Variants in CADM2 observed in about 807,000 individuals in gnomAD.
CADM2 encodes cell adhesion molecule 2, also known as immunoglobulin superfamily member 4D.
CADM2 carries 12 observed loss-of-function variants against 49.8 expected under a neutral mutation model. The observed-to-expected ratio is 0.24, with a 90% CI of 0.15 to 0.39. The LOEUF is 0.39. Ranked by LOEUF, CADM2 falls within the 10% of genes least tolerant of loss-of-function variation. CADM2 has a pLI of 1.00. For missense variants in CADM2, 378 were observed against 492.3 expected, an observed-to-expected ratio of 0.77 and a Z score of 2.20; for synonymous variants, 214 against 175.4, an observed-to-expected ratio of 1.22 and a Z score of -1.74.
At chr3:85,218,375 G>A (rs2041976948) in intron 1 of CADM2, among the ~76,000 whole-genome samples, 1 of 152,166 alleles carries the variant, frequency 6.6e-6, no homozygotes. Flanking sequence ...CAACATTTCT[G>A]ATGCAGCTGG....
intron 2 of CADM2, among the ~76,000 whole-genome samples, chr3:85,732,134 G>A (rs1224204116): frequency 3.4e-5 from 5 of 147,220 alleles, no homozygotes; most frequent in Non-Finnish European, 6.0e-5. Context: ...CGTGGCACAC[G>A]CCTGTAATCC....
intron 1 of CADM2, among the ~76,000 whole-genome samples, chr3:85,137,978 T>C (rs945685134): frequency 1.3e-5 from 2 of 152,282 alleles, no homozygotes; most frequent in South Asian, 4.2e-4. Flanking sequence ...TTCATATAAA[T>C]GTACATTCAT....
intron 1 of CADM2, among the ~76,000 whole-genome samples, chr3:85,400,313 T>C (rs2035032676): frequency 6.6e-6 from 1 of 152,200 alleles, no homozygotes; most frequent in African/African-American, 2.4e-5. Flanking sequence ...TTGATCATGG[T>C]GGATAAGCTC....
At chr3:85,563,018 C>T (rs1256528745) in intron 1 of CADM2, among the ~76,000 whole-genome samples, 1 of 152,066 alleles carries the variant, frequency 6.6e-6, no homozygotes, top group African/African-American at 2.4e-5. Context: ...TGTCTATCTT[C>T]TTGGTCAGTT....
rs2044336805 is a variant in CADM2 at position 85,311,345 on chromosome 3, TTTTA to T, written c.61+351691_61+351694del. Among the ~76,000 whole-genome samples the T allele has an allele frequency of 2.7e-5, 4 of 149,878 alleles. No individual in the cohort carries two copies. In the South Asian group the frequency reaches 6.2e-4, roughly 23 times the overall value. The stretch of plus-strand genomic sequence containing the variant: ...TTGGATGCATTGGTCTTAGCATCAT[TTTTA>T]TTTATTTATTTATATTTATTATTAT... On this transcript the variant is annotated intron_variant, in intron 1 of 9. Coordinates refer to ENST00000383699, the MANE Select transcript of CADM2 (RefSeq NM_001167675.2).
Position 85,561,913 on chromosome 3 carries a change from A to G in CADM2, c.62-164609A>G, listed in dbSNP as rs184900137. On this transcript the variant is annotated intron_variant, in intron 1 of 9. Transcript: ENST00000383699. ...AGAAGTGGCACTTTTCGATAATTAA[A>G]AACAGAAAATAAGCAAGAAAGAATA... 1.1e-4 allele frequency among the ~76,000 whole-genome samples: 16 copies of G among 152,284 alleles called. 1 individual carries two copies. In the East Asian group the frequency reaches 3.1e-3, roughly 29 times the overall value.
At chr3:85,530,350 AGAC>A (rs2061274736) in intron 1 of CADM2, among the ~76,000 whole-genome samples, 1 of 59,582 alleles carries the variant, frequency 1.7e-5, no homozygotes, top group Non-Finnish European at 2.5e-5. Flanking sequence ...TTTTTTTTTG[AGAC>A]GGAGTCTCAC....
rs553504282 is a variant in CADM2, at chr3:85,914,067, CTATAA to C, written c.700+1528_700+1532del. 9.9e-5 allele frequency among the ~76,000 whole-genome samples: 15 copies of C among 152,158 alleles called. No homozygotes were observed. In the South Asian group the frequency reaches 3.1e-3, roughly 32 times the overall value. On this transcript the variant is annotated intron_variant, in intron 6 of 9. Transcript: ENST00000383699. ...TTTTATATGGAAAATATAAAGCTGA[CTATAA>C]TATGCTTATTTTTAAATTATTCTTA...
rs562362581 is a variant in CADM2, at chr3:85,139,998, T to G, written c.61+180330T>G. On this transcript the variant is annotated intron_variant, in intron 1 of 9. Transcript: ENST00000383699. ...GTACAGAACAGATAACACGTTCAGT[T>G]TCAGGCTGGAGTTAAAGACCAGTGG... Among the ~76,000 whole-genome samples the G allele has an allele frequency of 3.3e-4, 50 of 152,162 alleles. 1 individual carries two copies. Among genetic ancestry groups the G allele is most frequent in the South Asian group, 8.3e-4 (4 of 4,826 alleles).
intron 1 of CADM2, among the ~76,000 whole-genome samples, chr3:85,437,585 A>C (rs2107535034): frequency 6.6e-6 from 1 of 152,036 alleles, no homozygotes; most frequent in South Asian, 2.1e-4. Context: ...TTTTAATTTA[A>C]ATTTCCCTGA....
intron 2 of CADM2, among the ~76,000 whole-genome samples, chr3:85,766,421 A>G (rs769367420): frequency 9.2e-5 from 14 of 152,178 alleles, no homozygotes; most frequent in Non-Finnish European, 1.9e-4. Context: ...AACTGTTCAG[A>G]TGGATAAAGA....
chr3:85,836,267 A>G (rs997535498), intron 3 of CADM2, among the ~76,000 whole-genome samples: 70 of 151,714 alleles, frequency 4.6e-4, no homozygotes, highest in African/African-American at 1.7e-3. Flanking sequence ...GTTCTGGAAA[A>G]AAGCCCAGAG....
intron 1 of CADM2, among the ~76,000 whole-genome samples, chr3:85,673,724 C>G (rs928636400): frequency 1.3e-5 from 2 of 152,014 alleles, no homozygotes; most frequent in Admixed American, 6.6e-5. Flanking sequence ...CTTCCTTCTC[C>G]AGGCTCGTTT....
chr3:85,736,636 G>GT lies in CADM2; in HGVS notation c.88+10096dup, dbSNP rs888093429. Reference sequence around the variant, plus strand: ...TACAGGGTTTTCTTTTTTCTGTTGGGTTTTTTTTCAATTATTATTATTTCC... The same window carrying GT: ...TACAGGGTTTTCTTTTTTCTGTTGGGTTTTTTTTTCAATTATTATTATTTCC... On this transcript the variant is annotated intron_variant, in intron 2 of 9. Transcript: ENST00000383699. 5.3e-5 allele frequency among the ~76,000 whole-genome samples: 8 copies of GT among 151,792 alleles called. No individual in the cohort carries two copies. The East Asian group carries it at 9.7e-4, about 18-fold the overall frequency.
Position 85,499,394 on chromosome 3 carries a change from A to T in CADM2, c.62-227128A>T, listed in dbSNP as rs146908021. On this transcript the variant is annotated intron_variant, in intron 1 of 9. Coordinates refer to ENST00000383699, the MANE Select transcript of CADM2 (RefSeq NM_001167675.2). ...AGCTGCTCTAAAGTTCCCTTGGTAG[A>T]TCTACTATTTTGACACTCAAATTGT... Among the ~76,000 whole-genome samples the T allele has an allele frequency of 3.0e-4, 46 of 152,178 alleles. No homozygotes were observed. The East Asian group carries it at 8.3e-3, about 28-fold the overall frequency.
At chr3:85,959,509 A>G in intron 7 of CADM2, among the ~76,000 whole-genome samples, 1 of 151,820 alleles carries the variant, frequency 6.6e-6, no homozygotes, top group South Asian at 2.1e-4. Flanking sequence ...TCTGATTAGA[A>G]CATCTCATAG....
chr3:85,223,201 G>GT lies in CADM2; in HGVS notation c.61+263539dup, dbSNP rs545691092. ...TAGAAATTGGCCACAAAATCATGCA[G>GT]TTTTTTATCAAGTTCAATGAGAATA... is the stretch of plus-strand genomic sequence containing the variant. On this transcript the variant is annotated intron_variant, in intron 1 of 9. Transcript: ENST00000383699. Among the ~76,000 whole-genome samples, 170 of 152,210 alleles carry GT rather than the reference G, an allele frequency of 1.1e-3. 2 individuals are homozygous for GT. Among genetic ancestry groups the GT allele is most frequent in the Admixed American group, 3.4e-3 (52 of 15,276 alleles).
intron 1 of CADM2, among the ~76,000 whole-genome samples, chr3:85,252,999 G>T (rs936957012): frequency 5.3e-5 from 8 of 151,996 alleles, no homozygotes; most frequent in African/African-American, 1.9e-4. Context: ...AATAAAAAAA[G>T]TTTGAACTCT....
chr3:85,842,947 G>T (rs2074705163), intron 3 of CADM2, among the ~76,000 whole-genome samples: 2 of 151,764 alleles, frequency 1.3e-5, no homozygotes, highest in Non-Finnish European at 2.9e-5. Context: ...CACAATTGTG[G>T]ACATGCATTC....
Sources: gnomAD v4.1 joint callset for allele counts (sites outside exome capture counted in the v4.1 genomes callset) on GRCh38, gnomAD v4.1.1 for gene constraint, MANE v1.5 for transcripts, NCBI Gene and HGNC (gene_info 2026-07-23, HGNC 2026-07-21) for gene names.